CDH18: variants seen among roughly 807,000 people sequenced by gnomAD.
CDH18 encodes the protein cadherin-18.
CDH18 carries 31 observed loss-of-function variants against 67.9 expected under a neutral mutation model. The ratio of observed to expected loss-of-function variants is 0.46; its 90% confidence interval spans 0.34 to 0.62. CDH18 has a LOEUF of 0.62. CDH18 is among the 20% of genes least tolerant of loss of function. The pLI is 0.01. For synonymous variants in CDH18, 362 were observed against 347.2 expected, an observed-to-expected ratio of 1.04 and a Z score of -0.48; for missense variants, 890 against 975.5, an observed-to-expected ratio of 0.91 and a Z score of 1.17.
At chr5:20,552,084 G>GCAATAT (rs753978608) in intron 1 of CDH18, among the ~76,000 whole-genome samples, 22 of 151,914 alleles carry the variant, frequency 1.4e-4, no homozygotes, top group Non-Finnish European at 2.8e-4. Flanking sequence ...AATAGCAATA[G>GCAATAT]CAGGTATGTT....
chr5:19,575,239 A>C (rs1460591473), intron 7 of CDH18, among the ~76,000 whole-genome samples: 4 of 152,178 alleles, frequency 2.6e-5, no homozygotes, highest in Admixed American at 2.6e-4. Context: ...TGGTTATTTA[A>C]AATTAGAATG....
chr5:20,573,668 T>G (rs1235482596), intron 1 of CDH18, among the ~76,000 whole-genome samples: 1 of 150,752 alleles, frequency 6.6e-6, no homozygotes, highest in Non-Finnish European at 1.5e-5. Context: ...AACAAGGTTA[T>G]AATAGATTTA....
chr5:20,188,217 G>T (rs1199231383), intron 2 of CDH18, among the ~76,000 whole-genome samples: 2 of 151,856 alleles, frequency 1.3e-5, no homozygotes, highest in South Asian at 2.1e-4. Flanking sequence ...TGGTTAAAGA[G>T]AATTCTAAAT....
At chr5:19,953,684 G>A (rs78083499) in intron 2 of CDH18, among the ~76,000 whole-genome samples, 1,845 of 152,082 alleles carry the variant, frequency 0.012, 52 homozygotes, top group African/African-American at 0.042. Context: ...TTTGTTTCCT[G>A]AAGTAGATTT....
chr5:20,377,375 G>C (rs998290884), intron 1 of CDH18, among the ~76,000 whole-genome samples: 38 of 152,176 alleles, frequency 2.5e-4, no homozygotes, highest in African/African-American at 8.2e-4. Flanking sequence ...ATTTGATTTT[G>C]TATTTTAGTT....
At chr5:20,304,268 A>T in intron 1 of CDH18, 3 of 1,603,578 alleles carry the variant, frequency 1.9e-6, no homozygotes, top group Non-Finnish European at 2.6e-6. Flanking sequence ...GTCTGCCCGC[A>T]CCAAAAGCTG....
At chr5:19,754,028 T>C (rs1175144199) in intron 3 of CDH18, among the ~76,000 whole-genome samples, 1 of 152,092 alleles carries the variant, frequency 6.6e-6, no homozygotes, top group East Asian at 1.9e-4. Context: ...GGAACCTTTT[T>C]AAGCATAAAT....
intron 11 of CDH18, among the ~76,000 whole-genome samples, chr5:19,490,097 GA>G (rs1356711435): frequency 2.7e-5 from 4 of 147,518 alleles, no homozygotes; most frequent in Admixed American, 1.3e-4. Flanking sequence ...AGTTAAAACA[GA>G]AAAAAAAACT....
intron 2 of CDH18, among the ~76,000 whole-genome samples, chr5:20,220,419 T>A (rs925773634): frequency 1.3e-5 from 2 of 151,934 alleles, no homozygotes; most frequent in Non-Finnish European, 2.9e-5. Flanking sequence ...GAAATGGATA[T>A]CCACATGTAG....
intron 2 of CDH18, among the ~76,000 whole-genome samples, chr5:20,012,950 G>A (rs1231153120): frequency 6.6e-6 from 1 of 151,930 alleles, no homozygotes; most frequent in Non-Finnish European, 1.5e-5. Context: ...AATAACTAAT[G>A]GATATTAGTT....
intron 7 of CDH18, among the ~76,000 whole-genome samples, chr5:19,585,484 C>T (rs1349125988): frequency 6.6e-6 from 1 of 152,156 alleles, no homozygotes; most frequent in Non-Finnish European, 1.5e-5. Context: ...CCTATGGTAA[C>T]CTCAGAGATG....
intron 2 of CDH18, among the ~76,000 whole-genome samples, chr5:20,049,854 G>A (rs746521416): frequency 4.6e-5 from 7 of 151,608 alleles, no homozygotes; most frequent in Non-Finnish European, 8.9e-5. Flanking sequence ...GCCAGAATGA[G>A]TAACATGCTA....
intron 1 of CDH18, among the ~76,000 whole-genome samples, chr5:20,389,037 G>A (rs1320009717): frequency 6.6e-6 from 1 of 152,108 alleles, no homozygotes; most frequent in Non-Finnish European, 1.5e-5. Flanking sequence ...TGTTGACTTG[G>A]GGTGGAGAGA....
At chr5:20,182,353 A>T (rs1451465278) in intron 2 of CDH18, among the ~76,000 whole-genome samples, 1 of 151,978 alleles carries the variant, frequency 6.6e-6, no homozygotes, top group Non-Finnish European at 1.5e-5. Context: ...CTACAATTGC[A>T]GAACTTTGGG....
chr5:20,396,266 C>T (rs1745270575), intron 1 of CDH18, among the ~76,000 whole-genome samples: 1 of 151,982 alleles, frequency 6.6e-6, no homozygotes, highest in Non-Finnish European at 1.5e-5. Flanking sequence ...TTAGAGGACA[C>T]CCAGCTGGTA....
chr5:20,521,106 T>C (rs568068687), intron 1 of CDH18, among the ~76,000 whole-genome samples: 5 of 152,126 alleles, frequency 3.3e-5, no homozygotes, highest in Non-Finnish European at 5.9e-5. Flanking sequence ...AATGAAATAA[T>C]TGACCCAGAT....
chr5:19,686,040 G>C (rs1761050253), intron 5 of CDH18, among the ~76,000 whole-genome samples: 2 of 152,136 alleles, frequency 1.3e-5, no homozygotes, highest in African/African-American at 4.8e-5. Context: ...TAAATTCCTA[G>C]AAGTGTGGGT....
intron 2 of CDH18, among the ~76,000 whole-genome samples, chr5:19,976,911 A>T (rs544807078): frequency 8.5e-5 from 13 of 152,226 alleles, no homozygotes; most frequent in Admixed American, 4.6e-4. Flanking sequence ...GATTAAGTAG[A>T]GTAGTATGGA....
At chr5:19,858,481 A>G (rs767537161) in intron 2 of CDH18, among the ~76,000 whole-genome samples, 4 of 152,202 alleles carry the variant, frequency 2.6e-5, no homozygotes, top group Non-Finnish European at 5.9e-5. Context: ...TAGCGCCAAT[A>G]TAATTGCAGA....
Sources: gnomAD v4.1 joint callset for allele counts (sites outside exome capture counted in the v4.1 genomes callset) on GRCh38, gnomAD v4.1.1 for gene constraint, MANE v1.5 for transcripts, NCBI Gene and HGNC (gene_info 2026-07-23, HGNC 2026-07-21) for gene names.